Variants in PPP2R2C observed in about 807,000 individuals in gnomAD.
PPP2R2C encodes protein phosphatase 2, regulatory subunit B, gamma.
A neutral mutation model predicts 45.3 loss-of-function variants in PPP2R2C; 10 were observed. That is an observed-to-expected ratio of 0.22 (90% CI 0.14 to 0.37). The LOEUF (loss-of-function observed/expected upper bound fraction) is 0.37. PPP2R2C is among the 10% of genes least tolerant of loss of function. The probability of loss-of-function intolerance (pLI) is 1.00; values close to 1 mark genes in which losing one functional copy is unlikely to be tolerated. For missense variants in PPP2R2C, 308 were observed against 619.7 expected (o/e 0.50, Z 5.34); for synonymous variants, 257 against 245.4 (o/e 1.05, Z -0.44).
chr4:6,525,384 G>A (rs974242479), intron 2 of PPP2R2C, among the ~76,000 whole-genome samples: 11 of 151,788 alleles, frequency 7.2e-5, no homozygotes, highest in East Asian at 1.9e-4. Flanking sequence ...CAGCCTGGGC[G>A]ACAGAGTGCG....
intron 1 of PPP2R2C, among the ~76,000 whole-genome samples, chr4:6,543,387 A>T (rs116249845): frequency 2.3e-3 from 350 of 152,206 alleles, no homozygotes; most frequent in Middle Eastern, 0.017. Flanking sequence ...GCAGCCAATG[A>T]ACATGGTCAC....
At chr4:6,346,875 T>A (rs372813537) in intron 6 of PPP2R2C, among the ~76,000 whole-genome samples, 64 of 152,168 alleles carry the variant, frequency 4.2e-4, no homozygotes, top group African/African-American at 1.4e-3. Flanking sequence ...ATTCAACAAG[T>A]GTTTATTTCC....
chr4:6,411,780 CTGACCTCG>C (rs1255549400), intron 1 of PPP2R2C, among the ~76,000 whole-genome samples: 2 of 152,098 alleles, frequency 1.3e-5, no homozygotes, highest in African/African-American at 2.4e-5. Context: ...TCTCAATCTC[CTGACCTCG>C]TGATCCGCCC....
chr4:6,399,590 C>T (rs1717278377), intron 1 of PPP2R2C, among the ~76,000 whole-genome samples: 12 of 152,240 alleles, frequency 7.9e-5, no homozygotes, highest in Admixed American at 7.2e-4. Context: ...ATTCACCTCA[C>T]TCTCCCAGGT....
In PPP2R2C at chr4:6,327,654, T is replaced by C. The variant is rs1442696837; in HGVS notation, c.1052+1608A>G. Among the ~76,000 whole-genome samples, 4 of 152,212 alleles carry C rather than the reference T, an allele frequency of 2.6e-5. No homozygotes were observed. The East Asian group carries it at 5.8e-4, about 22-fold the overall frequency. ...GCAGCATGGGAGGAGCCCTGTCTGC[T>C]GGGGGTGTCTGGGATCTATCTGGGG... On this transcript the variant is annotated intron_variant, in intron 8 of 8. Transcript: ENST00000382599.
chr4:6,430,554 G>A (rs537260390), intron 1 of PPP2R2C, among the ~76,000 whole-genome samples: 60 of 152,322 alleles, frequency 3.9e-4, no homozygotes, highest in Admixed American at 1.8e-3. Context: ...CTCGGTGCAC[G>A]AGGGGAAACA....
At chr4:6,525,991 C>T (rs1373187452) in intron 2 of PPP2R2C, among the ~76,000 whole-genome samples, 4 of 152,336 alleles carry the variant, frequency 2.6e-5, no homozygotes, top group East Asian at 1.9e-4. Flanking sequence ...ACGTGAGCCA[C>T]GTTGCCCAGC....
At position 6,324,441 on chromosome 4, in the gene PPP2R2C, AAAG is replaced by A. The variant is rs1347368072; in HGVS notation, c.1053-851_1053-849del. 6.6e-6 allele frequency among the ~76,000 whole-genome samples: 1 copy of A among 152,026 alleles called. No homozygotes were observed. The highest frequency in any genetic ancestry group is 2.4e-5 in the African/African-American group (1 of 41,392). On this transcript the variant is annotated intron_variant, in intron 8 of 8. Transcript: ENST00000382599. The surrounding 1 kb of genome is among the most constrained non-coding windows in gnomAD (Gnocchi z 4.1). ...AGCAAAACTCCGTCTCGAAAAAAGA[AAAG>A]AAAAGAAAAGAAAAGACCCTCCTGT...
intron 1 of PPP2R2C, among the ~76,000 whole-genome samples, chr4:6,414,955 C>T (rs1718472569): frequency 6.6e-6 from 1 of 152,222 alleles, no homozygotes; most frequent in African/African-American, 2.4e-5. Context: ...GGGTCACCCT[C>T]CCAGTGACCA....
chr4:6,479,733 C>CTTT (rs34977601), intron 2 of PPP2R2C, among the ~76,000 whole-genome samples: 1 of 146,244 alleles, frequency 6.8e-6, no homozygotes, highest in East Asian at 2.0e-4. Context: ...ATGATCAGAC[C>CTTT]TTTTTTTTTT....
intron 2 of PPP2R2C, among the ~76,000 whole-genome samples, chr4:6,508,656 T>C (rs1356528359): frequency 1.3e-5 from 2 of 152,084 alleles, no homozygotes; most frequent in African/African-American, 4.8e-5. Context: ...CCTGACAGGA[T>C]CTGAGTTGGG....
At chr4:6,381,536 C>T in intron 1 of PPP2R2C, 1 of 1,400,098 alleles carries the variant, frequency 7.1e-7, no homozygotes, top group Non-Finnish European at 9.3e-7. Context: ...AAGCGCAAGG[C>T]AACCCTCTGC....
intron 1 of PPP2R2C, among the ~76,000 whole-genome samples, chr4:6,466,186 A>C (rs979513642): frequency 5.3e-5 from 8 of 152,246 alleles, no homozygotes; most frequent in Non-Finnish European, 1.5e-5. Flanking sequence ...GCTCAAGTGA[A>C]CACAGGGTAG....
In PPP2R2C at chr4:6,355,146, G is replaced by T. The variant is rs555646964; in HGVS notation, c.626-7136C>A. On this transcript the variant is annotated intron_variant, in intron 5 of 8. Coordinates refer to ENST00000382599, the MANE Select transcript of PPP2R2C (RefSeq NM_020416.4). ...GCGAGGGCAGGGACCTGCCTGTCAG[G>T]ATTGCTGCTGCACCTTCAGTGCCTG... 8.5e-5 allele frequency among the ~76,000 whole-genome samples: 13 copies of T among 152,352 alleles called. No homozygotes were observed. The South Asian group carries it at 2.7e-3, about 32-fold the overall frequency.
chr4:6,347,312 G>A (rs982866418), intron 6 of PPP2R2C, among the ~76,000 whole-genome samples: 16 of 152,218 alleles, frequency 1.1e-4, no homozygotes, highest in African/African-American at 2.6e-4. Flanking sequence ...CCTGGAACTC[G>A]TTCAGCCCCA....
At chr4:6,401,450 G>C (rs937668740) in intron 1 of PPP2R2C, among the ~76,000 whole-genome samples, 15 of 152,086 alleles carry the variant, frequency 9.9e-5, no homozygotes, top group African/African-American at 3.6e-4. Flanking sequence ...CAACATCCGA[G>C]ATGCTAAAGT....
chr4:6,393,151 G>A (rs1363641283), intron 1 of PPP2R2C, among the ~76,000 whole-genome samples: 1 of 152,140 alleles, frequency 6.6e-6, no homozygotes, highest in East Asian at 1.9e-4. Flanking sequence ...ACAGTCTAAT[G>A]CCAGAACATT....
chr4:6,550,291 G>A (rs1422376304), intron 1 of PPP2R2C, among the ~76,000 whole-genome samples: 2 of 151,418 alleles, frequency 1.3e-5, no homozygotes, highest in East Asian at 1.9e-4. Context: ...TCAGCCCCCA[G>A]CCCAGTTACC....
chr4:6,415,123 G>A (rs890157235), intron 1 of PPP2R2C, among the ~76,000 whole-genome samples: 110 of 152,358 alleles, frequency 7.2e-4, no homozygotes, highest in African/African-American at 2.6e-3. Flanking sequence ...CACAGTGCAT[G>A]CGCCTCGTCC....
Sources: gnomAD v4.1 joint callset for allele counts (sites outside exome capture counted in the v4.1 genomes callset) on GRCh38, gnomAD v4.1.1 for gene constraint, Gnocchi (gnomAD v3.1) non-coding constraint, MANE v1.5 for transcripts, NCBI Gene and HGNC (gene_info 2026-07-23, HGNC 2026-07-21) for gene names.